The following PRKAR1A variants were observed in gnomAD, a reference collection of about 807,000 sequenced individuals.
The protein encoded by PRKAR1A is protein kinase cAMP-dependent type I regulatory subunit alpha.
In PRKAR1A, 3 loss-of-function variants were observed where a neutral mutation model predicts 52.0. The observed-to-expected ratio is 0.06, with a 90% CI of 0.03 to 0.15. The LOEUF (loss-of-function observed/expected upper bound fraction) is 0.15. PRKAR1A is among the 10% of genes least tolerant of loss of function. The pLI, the probability that PRKAR1A is intolerant of heterozygous loss-of-function variation, is 1.00. For synonymous variants in PRKAR1A, 188 were observed against 168.4 expected, an observed-to-expected ratio of 1.12 and a Z score of -0.90; for missense variants, 240 against 477.4, an observed-to-expected ratio of 0.50 and a Z score of 4.63.
the PRKAR1A span, among the ~76,000 whole-genome samples, chr17:68,430,644 C>G: frequency 6.6e-6 from 1 of 152,168 alleles, no homozygotes; most frequent in Non-Finnish European, 1.5e-5. Context: ...TGTAGATAAC[C>G]CTGGAGTCAC....
the PRKAR1A span, among the ~76,000 whole-genome samples, chr17:68,446,319 T>C: frequency 2.0e-5 from 3 of 152,062 alleles, no homozygotes; most frequent in Admixed American, 6.6e-5. Flanking sequence ...TGGCAGGGAC[T>C]ACAGGTGTGC....
At chr17:68,462,619 C>T in the PRKAR1A span, among the ~76,000 whole-genome samples, 3 of 152,144 alleles carry the variant, frequency 2.0e-5, no homozygotes, top group African/African-American at 4.8e-5. Flanking sequence ...TGGAGACTGT[C>T]GAGTAAGTTG....
chr17:68,547,243 G>A (rs1264597580), intron 11 of PRKAR1A, among the ~76,000 whole-genome samples: 1 of 152,156 alleles, frequency 6.6e-6, no homozygotes, highest in East Asian at 1.9e-4. Context: ...AAGAGAGTCA[G>A]CCTGTCCTTT....
At chr17:68,494,543 AAAAT>A in the PRKAR1A span, among the ~76,000 whole-genome samples, 24 of 152,240 alleles carry the variant, frequency 1.6e-4, no homozygotes, top group African/African-American at 5.5e-4. Flanking sequence ...TTTGTCTCAA[AAAAT>A]AAATAAAATA....
At chr17:68,448,105 G>A in the PRKAR1A span, among the ~76,000 whole-genome samples, 1 of 151,848 alleles carries the variant, frequency 6.6e-6, no homozygotes, top group African/African-American at 2.4e-5. Flanking sequence ...GCCTGAGGAA[G>A]TAGCAGACTG....
At chr17:68,549,316 G>A (rs1167562502) in intron 11 of PRKAR1A, among the ~76,000 whole-genome samples, 1 of 152,054 alleles carries the variant, frequency 6.6e-6, no homozygotes, top group East Asian at 1.9e-4. Context: ...CCAACGTGGT[G>A]AAACCCTGTC....
intron 2 of PRKAR1A, among the ~76,000 whole-genome samples, chr17:68,517,212 T>C (rs2085461727): frequency 6.6e-6 from 1 of 152,234 alleles, no homozygotes; most frequent in African/African-American, 2.4e-5. Flanking sequence ...CAAGGGTCTT[T>C]GTTCACATGT....
At chr17:68,479,445 C>T in the PRKAR1A span, among the ~76,000 whole-genome samples, 33,486 of 151,942 alleles carry the variant, frequency 0.22, 3,904 homozygotes, top group South Asian at 0.25. Context: ...GCATGTTTTC[C>T]GATGCTCACA....
intron 11 of PRKAR1A, among the ~76,000 whole-genome samples, chr17:68,545,263 A>G (rs1052592957): frequency 6.6e-6 from 1 of 152,218 alleles, no homozygotes; most frequent in Admixed American, 6.5e-5. Context: ...AGGGTTTTGC[A>G]TTGTATTTCG....
the PRKAR1A span, among the ~76,000 whole-genome samples, chr17:68,477,206 A>G: frequency 2.0e-5 from 3 of 152,220 alleles, no homozygotes; most frequent in South Asian, 6.2e-4. Context: ...TTCGTCATGC[A>G]TCAAATCTGG....
the PRKAR1A span, among the ~76,000 whole-genome samples, chr17:68,499,406 G>GAGAGAGAGAGAGAGAGAGAGA: frequency 6.7e-6 from 1 of 149,342 alleles, no homozygotes; most frequent in Non-Finnish European, 1.5e-5. Flanking sequence ...GAGAGAGAGA[G>GAGAGAGAGAGAGAGAGAGAGA]GAGGGATATA....
At chr17:68,451,021 C>T in the PRKAR1A span, 27 of 1,340,490 alleles carry the variant, frequency 2.0e-5, no homozygotes, top group Admixed American at 6.0e-5. Context: ...GCCGGCCAGG[C>T]GCCCTCTCTG....
the PRKAR1A span, among the ~76,000 whole-genome samples, chr17:68,469,203 CTA>C: frequency 9.9e-6 from 1 of 101,050 alleles, no homozygotes; most frequent in Non-Finnish European, 2.4e-5. Context: ...TAGGCACTGT[CTA>C]TTTTCAAGGT....
At chr17:68,429,683 G>A in the PRKAR1A span, among the ~76,000 whole-genome samples, 8 of 152,056 alleles carry the variant, frequency 5.3e-5, no homozygotes, top group African/African-American at 1.9e-4. Flanking sequence ...CCGCCTCCTG[G>A]GTTCAAGCGA....
chr17:68,512,743 A>G (rs2085299526), intron 1 of PRKAR1A, 195 bp downstream of exon 1: 2 of 152,062 alleles, frequency 1.3e-5, no homozygotes. Context: ...TGCATCCTCA[A>G]GGCCGTCTGG....
chr17:68,499,670 A>T, the PRKAR1A span, among the ~76,000 whole-genome samples: 113,968 of 152,252 alleles, frequency 0.75, 43,138 homozygotes, highest in East Asian at 0.94. Flanking sequence ...TGGAATTTCT[A>T]CTACAATTTT....
chr17:68,550,935 T>C, intron 11 of PRKAR1A: 1 of 564,010 alleles, frequency 1.8e-6, no homozygotes, highest in Non-Finnish European at 2.6e-6. Flanking sequence ...CTTAGAACCA[T>C]CTACTGGGGC....
At chr17:68,539,864 AAC>A (rs1419185713) in intron 11 of PRKAR1A, 1 of 1,612,192 alleles carries the variant, frequency 6.2e-7, no homozygotes, top group Non-Finnish European at 8.5e-7. Flanking sequence ...GGGATTGTTG[AAC>A]ACACGTGGGG....
At chr17:68,469,805 T>C in the PRKAR1A span, among the ~76,000 whole-genome samples, 1 of 152,164 alleles carries the variant, frequency 6.6e-6, no homozygotes, top group Non-Finnish European at 1.5e-5. Flanking sequence ...AAACTGAGAA[T>C]TTAAAATATT....
Sources: gnomAD v4.1 joint callset for allele counts (sites outside exome capture counted in the v4.1 genomes callset) on GRCh38, gnomAD v4.1.1 for gene constraint, MANE v1.5 for transcripts, NCBI Gene and HGNC (gene_info 2026-07-23, HGNC 2026-07-21) for gene names.